The following SRPK1 variants were observed in gnomAD, a reference collection of about 807,000 sequenced individuals.
SRPK1 encodes the protein SFRS protein kinase 1.
In SRPK1, 52 loss-of-function variants were observed where a neutral mutation model predicts 89.5. The observed-to-expected ratio is 0.58, with a 90% CI of 0.46 to 0.73. The LOEUF (loss-of-function observed/expected upper bound fraction) is 0.73, where lower values mean the gene tolerates loss of function less well. SRPK1 is among the 30% of genes least tolerant of loss of function. SRPK1 has a pLI of 0.00. For synonymous variants in SRPK1, 255 were observed against 270.2 expected, an observed-to-expected ratio of 0.94 and a Z score of 0.55; for missense variants, 603 against 780.6, an observed-to-expected ratio of 0.77 and a Z score of 2.71.
At chr6:35,867,483 G>A (rs571344791) in intron 12 of SRPK1, among the ~76,000 whole-genome samples, 3 of 152,220 alleles carry the variant, frequency 2.0e-5, no homozygotes, top group South Asian at 4.1e-4. Context: ...TCATTTATGT[G>A]TGAATCATTC....
At chr6:35,869,263 A>G in intron 11 of SRPK1, 153 bp from the exon 12 acceptor site, 1 of 865,022 alleles carries the variant, frequency 1.2e-6, no homozygotes, top group African/African-American at 1.7e-5. Flanking sequence ...CAACGCCTTG[A>G]GTTTCCAGAA....
At position 35,914,804 on chromosome 6, in the gene SRPK1, C is replaced by CA. The variant is rs1554158059; in HGVS notation, c.74+5663_74+5664insT. ...GAATAAGAGTTAAACTAGTTAAATC[C>CA]TTTTTTTTTTTTGAAACGGAACTTT... is the stretch of plus-strand genomic sequence containing the variant. On this transcript the variant is annotated intron_variant, in intron 2 of 15. Transcript: ENST00000373825. Among the ~76,000 whole-genome samples, 17 of 144,680 alleles carry CA rather than the reference C, an allele frequency of 1.2e-4. 1 individual carries two copies. In the South Asian group the frequency reaches 3.7e-3, roughly 32 times the overall value. The allele number at this position is 144,680 out of a possible 152,430, so 94.9% of individuals were successfully genotyped here. A position where few individuals can be genotyped will look rare whatever the true frequency, so the allele number is the denominator to read the frequency against.
chr6:35,868,988 C>T (rs771368575), intron 12 of SRPK1, 22 bp downstream of exon 12: 7 of 1,600,776 alleles, frequency 4.4e-6, no homozygotes, highest in Non-Finnish European at 6.0e-6. Flanking sequence ...TTCAAAACAC[C>T]ATTAAGGCAA....
At chr6:35,869,379 G>C in intron 11 of SRPK1, 103 bp downstream of exon 11, 2 of 1,374,820 alleles carry the variant, frequency 1.5e-6, no homozygotes, top group Non-Finnish European at 2.0e-6. Context: ...AGACACACCT[G>C]TTGTAAAGCT....
intron 15 of SRPK1, among the ~76,000 whole-genome samples, chr6:35,837,157 T>G (rs1769197883): frequency 1.3e-5 from 2 of 152,216 alleles, no homozygotes; most frequent in African/African-American, 4.8e-5. Flanking sequence ...AATTGGAAGT[T>G]TTGTTTTTGT....
In SRPK1 at chr6:35,870,915, A is replaced by G. The variant is rs748601192; in HGVS notation, c.777+19T>C. The G allele has an allele frequency of 6.3e-7, 1 of 1,588,614 alleles. No homozygotes were observed. The highest frequency in any genetic ancestry group is 8.6e-7 in the Non-Finnish European group (1 of 1,164,626). On this transcript the variant is annotated intron_variant, in intron 9 of 15. Transcript: ENST00000373825. ...TAGTCCATAGATCAAAATTAAATATAAAAACACCTTATACTTACTGGTTTA... is the reference window on the plus strand; with the variant it reads ...TAGTCCATAGATCAAAATTAAATATGAAAACACCTTATACTTACTGGTTTA...
chr6:35,862,007 A>G (rs776454365), intron 12 of SRPK1, among the ~76,000 whole-genome samples: 1 of 152,136 alleles, frequency 6.6e-6, no homozygotes, highest in South Asian at 2.1e-4. Flanking sequence ...CACTTAGGAA[A>G]ATACCCACTG....
chr6:35,895,832 T>G (rs1041147029), intron 2 of SRPK1: 1 of 152,230 alleles, frequency 6.6e-6, no homozygotes, highest in African/African-American at 2.4e-5. Context: ...TTGACCATGC[T>G]TTGTTCATGC....
At chr6:35,853,057 T>C (rs1581995590) in intron 13 of SRPK1, among the ~76,000 whole-genome samples, 1 of 152,082 alleles carries the variant, frequency 6.6e-6, no homozygotes, top group Non-Finnish European at 1.5e-5. Context: ...CTGTGCAACA[T>C]AGCAAGACCT....
intron 8 of SRPK1, among the ~76,000 whole-genome samples, chr6:35,872,211 T>C (rs1770048694): frequency 6.6e-6 from 1 of 152,240 alleles, no homozygotes; most frequent in Non-Finnish European, 1.5e-5. Flanking sequence ...TGTTTAAACC[T>C]AAACTATTAA....
chr6:35,910,311 GT>G (rs1314428422), intron 2 of SRPK1, among the ~76,000 whole-genome samples: 1 of 152,164 alleles, frequency 6.6e-6, no homozygotes, highest in African/African-American at 2.4e-5. Context: ...GATGGAGAAA[GT>G]TTTAGTGGTC....
chr6:35,858,703 T>C (rs1036242023), intron 12 of SRPK1, among the ~76,000 whole-genome samples: 3 of 151,784 alleles, frequency 2.0e-5, no homozygotes, highest in Non-Finnish European at 4.4e-5. Context: ...CAGGAAACTA[T>C]TGCTTGTTGC....
rs1055896919 is a variant in SRPK1, at chr6:35,913,295, A to G, written c.74+7173T>C. Among the ~76,000 whole-genome samples the G allele has an allele frequency of 5.3e-5, 8 of 152,220 alleles. No homozygotes were observed. In the South Asian group the frequency reaches 1.4e-3, roughly 28 times the overall value. ...TGACAAGAGAAGTTCTAGAAATTCA[A>G]TTTTGCAAGTAAATTTATATTTAAG... On this transcript the variant is annotated intron_variant, in intron 2 of 15. Transcript: ENST00000373825.
chr6:35,912,980 C>A (rs990985184), intron 2 of SRPK1, among the ~76,000 whole-genome samples: 1 of 152,182 alleles, frequency 6.6e-6, no homozygotes, highest in African/African-American at 2.4e-5. Context: ...CAGGATCTTG[C>A]CATGTTGCCC....
At chr6:35,870,149 T>C (rs1159978304) in intron 10 of SRPK1, 132 bp downstream of exon 10, 1 of 895,568 alleles carries the variant, frequency 1.1e-6, no homozygotes, top group Non-Finnish European at 1.6e-6. Flanking sequence ...CTAACATTTA[T>C]GACAAGATCC....
chr6:35,841,830 CAAAAAAAAA>C lies in SRPK1; in HGVS notation c.1690+696_1690+704del, dbSNP rs749935901. On this transcript the variant is annotated intron_variant, in intron 14 of 15. Transcript: ENST00000373825. ...CTGGCGACAGAGTGAGACTCCGTCTCAAAAAAAAAAAAAAAAAAAAAAAAAATCACAAAA... is the reference window on the plus strand; with the variant it reads ...CTGGCGACAGAGTGAGACTCCGTCTCAAAAAAAAAAAAAAAAATCACAAAA... Among the ~76,000 whole-genome samples, 11 of 44,746 alleles carry C rather than the reference CAAAAAAAAA, an allele frequency of 2.5e-4. No homozygotes were observed. In the East Asian group the frequency reaches 6.8e-3, roughly 28 times the overall value. 29.4% of individuals were successfully genotyped at this position (44,746 alleles called of 152,430 possible).
intron 12 of SRPK1, among the ~76,000 whole-genome samples, chr6:35,865,219 G>C (rs569010943): frequency 2.3e-4 from 35 of 152,216 alleles, no homozygotes; most frequent in African/African-American, 8.4e-4. Flanking sequence ...ATAAATGCTT[G>C]AAGGGATGGA....
chr6:35,841,907 C>T (rs1581988864), intron 14 of SRPK1, among the ~76,000 whole-genome samples: 1 of 149,702 alleles, frequency 6.7e-6, no homozygotes, highest in Admixed American at 6.7e-5. Flanking sequence ...ATTTAGTTAT[C>T]TGGATGCCAT....
chr6:35,857,469 C>T (rs1167591642), intron 12 of SRPK1, 101 bp from the exon 13 acceptor site: 4 of 974,374 alleles, frequency 4.1e-6, no homozygotes, highest in Non-Finnish European at 6.2e-6. Flanking sequence ...TGAAGTTTTT[C>T]CCAAACCAAA....
Sources: gnomAD v4.1 joint callset for allele counts (sites outside exome capture counted in the v4.1 genomes callset) on GRCh38, gnomAD v4.1.1 for gene constraint, MANE v1.5 for transcripts, NCBI Gene and HGNC (gene_info 2026-07-23, HGNC 2026-07-21) for gene names.